The following CDH18 variants were observed in gnomAD, a reference collection of about 807,000 sequenced individuals.
CDH18 encodes the protein cadherin 18, also known as cadherin-18.
Under a neutral mutation model 67.9 loss-of-function variants are expected in CDH18, and 31 were observed. That is an observed-to-expected ratio of 0.46 (90% CI 0.34 to 0.62). The LOEUF (loss-of-function observed/expected upper bound fraction) is 0.62, where lower values mean the gene tolerates loss of function less well. Among genes scored for constraint, CDH18 ranks in the 20% least tolerant of loss-of-function variants. CDH18 has a pLI of 0.01. For missense variants in CDH18, 890 were observed against 975.5 expected, an observed-to-expected ratio of 0.91 and a Z score of 1.17; for synonymous variants, 362 against 347.2, an observed-to-expected ratio of 1.04 and a Z score of -0.48.
At chr5:20,276,962 A>T (rs903014926) in intron 1 of CDH18, among the ~76,000 whole-genome samples, 2 of 152,024 alleles carry the variant, frequency 1.3e-5, no homozygotes, top group Non-Finnish European at 2.9e-5. Flanking sequence ...AGTAGGAAGG[A>T]CTTTGTCTTG....
intron 1 of CDH18, among the ~76,000 whole-genome samples, chr5:20,466,001 G>A (rs1300480812): frequency 6.6e-6 from 1 of 151,962 alleles, no homozygotes; most frequent in Admixed American, 6.6e-5. Context: ...ATCTGTAATT[G>A]TAGTTCCACA....
At chr5:19,593,029 C>T (rs778886591) in intron 6 of CDH18, among the ~76,000 whole-genome samples, 16 of 151,930 alleles carry the variant, frequency 1.1e-4, no homozygotes, top group Admixed American at 2.0e-4. Flanking sequence ...AATACTATTC[C>T]ATTGTTTGAT....
At chr5:19,692,162 G>A (rs543958910) in intron 5 of CDH18, among the ~76,000 whole-genome samples, 26 of 152,180 alleles carry the variant, frequency 1.7e-4, no homozygotes, top group South Asian at 6.2e-4. Flanking sequence ...AATGGTGCTA[G>A]GAAACTTAAT....
intron 5 of CDH18, among the ~76,000 whole-genome samples, chr5:19,665,592 C>A (rs1193723534): frequency 2.0e-5 from 3 of 151,884 alleles, no homozygotes; most frequent in East Asian, 1.9e-4. Flanking sequence ...GAGTAAATTT[C>A]TTTGATCTTA....
intron 1 of CDH18, among the ~76,000 whole-genome samples, chr5:20,450,299 A>T (rs1439088000): frequency 6.6e-6 from 1 of 152,160 alleles, no homozygotes; most frequent in Non-Finnish European, 1.5e-5. Context: ...GTGAGCTGAG[A>T]TCATGCCATT....
intron 2 of CDH18, among the ~76,000 whole-genome samples, chr5:20,071,544 A>G (rs1743480870): frequency 6.6e-6 from 1 of 152,078 alleles, no homozygotes. Context: ...GGACAGCTAC[A>G]TGATTAAATT....
intron 1 of CDH18, among the ~76,000 whole-genome samples, chr5:20,562,651 T>G (rs1180937413): frequency 6.6e-6 from 1 of 151,716 alleles, no homozygotes; most frequent in African/African-American, 2.4e-5. Context: ...CTCTTAAAGG[T>G]AGTATTTGAC....
At chr5:20,441,053 C>A (rs1391886024) in intron 1 of CDH18, among the ~76,000 whole-genome samples, 1 of 151,874 alleles carries the variant, frequency 6.6e-6, no homozygotes, top group African/African-American at 2.4e-5. Context: ...AAGATTTCAC[C>A]ATGCCGAGCT....
chr5:19,874,826 C>G (rs1376462325), intron 2 of CDH18, among the ~76,000 whole-genome samples: 2 of 152,154 alleles, frequency 1.3e-5, no homozygotes, highest in African/African-American at 4.8e-5. Flanking sequence ...AGTGCTGTAG[C>G]TCAGTTTTTA....
chr5:20,403,320 G>A (rs1228790497), intron 1 of CDH18, among the ~76,000 whole-genome samples: 1 of 152,036 alleles, frequency 6.6e-6, no homozygotes, highest in Admixed American at 6.6e-5. Context: ...TGCATGTGCA[G>A]GTTTGTTACT....
chr5:19,593,696 T>TTCCTCCTCCTCC lies in CDH18; in HGVS notation c.812-2464_812-2453dup, dbSNP rs1436673465. Among the ~76,000 whole-genome samples, 365 of 16,788 alleles carry TTCCTCCTCCTCC rather than the reference T, an allele frequency of 0.022. 27 individuals carry two copies. The East Asian group carries it at 0.26, about 12-fold the overall frequency. 11.0% of individuals were successfully genotyped at this position (16,788 alleles called of 152,430 possible). Reference sequence around the variant, plus strand: ...CTTCTTCCTCCTCCTTCTCTTCCTCTTCCTCCTCCTCCTTCTTCTTCTTCT... The same window carrying TTCCTCCTCCTCC: ...CTTCTTCCTCCTCCTTCTCTTCCTCTTCCTCCTCCTCCTCCTCCTCCTCCTTCTTCTTCTTCT... On this transcript the variant is annotated intron_variant, in intron 6 of 12. Coordinates refer to ENST00000382275, the MANE Select transcript of CDH18 (RefSeq NM_004934.5).
intron 2 of CDH18, among the ~76,000 whole-genome samples, chr5:20,137,389 G>C (rs1218610932): frequency 2.0e-5 from 3 of 151,958 alleles, no homozygotes; most frequent in East Asian, 1.9e-4. Flanking sequence ...ACTGAAGCTT[G>C]TGCATGCATC....
At chr5:20,058,589 A>G (rs981119875) in intron 2 of CDH18, among the ~76,000 whole-genome samples, 1 of 152,158 alleles carries the variant, frequency 6.6e-6, no homozygotes, top group Non-Finnish European at 1.5e-5. Context: ...CTACAGTACT[A>G]TACTCAAGTT....
chr5:20,260,360 T>C (rs1430652569), intron 1 of CDH18, among the ~76,000 whole-genome samples: 2 of 152,000 alleles, frequency 1.3e-5, no homozygotes, highest in South Asian at 2.1e-4. Flanking sequence ...TCTTAAGTTG[T>C]GCAACTTCAC....
At chr5:20,436,242 T>A (rs185428987) in intron 1 of CDH18, among the ~76,000 whole-genome samples, 1 of 151,992 alleles carries the variant, frequency 6.6e-6, no homozygotes, top group Non-Finnish European at 1.5e-5. Context: ...GAAACAGTTG[T>A]TGTTAATTGG....
intron 2 of CDH18, among the ~76,000 whole-genome samples, chr5:20,110,567 C>T (rs1001987940): frequency 2.0e-5 from 3 of 152,082 alleles, no homozygotes; most frequent in South Asian, 2.1e-4. Flanking sequence ...GCCAGTAATC[C>T]GAGCTACTTG....
At chr5:20,082,777 T>G (rs190683243) in intron 2 of CDH18, among the ~76,000 whole-genome samples, 91 of 152,286 alleles carry the variant, frequency 6.0e-4, no homozygotes, top group African/African-American at 2.2e-3. Context: ...GACAAACATA[T>G]GCGGAGAAAG....
At chr5:19,895,319 C>A (rs112270266) in intron 2 of CDH18, among the ~76,000 whole-genome samples, 10,025 of 152,148 alleles carry the variant, frequency 0.066, 376 homozygotes, top group South Asian at 0.15. Context: ...GCCACAAATG[C>A]TGAGCTTGAT....
intron 2 of CDH18, among the ~76,000 whole-genome samples, chr5:20,022,399 A>C (rs1005407077): frequency 7.2e-5 from 11 of 152,354 alleles, no homozygotes; most frequent in South Asian, 2.1e-4. Context: ...TTCAGTGTTT[A>C]TATGAATGAT....
Sources: allele counts gnomAD v4.1 joint callset (sites outside exome capture counted in the v4.1 genomes callset), GRCh38; gene constraint gnomAD v4.1.1; transcripts MANE v1.5; gene names NCBI Gene and HGNC (gene_info 2026-07-23, HGNC 2026-07-21).